CTC1: variants seen among roughly 807,000 people sequenced by gnomAD.
CTC1 encodes the protein CST complex subunit CTC1.
CTC1 carries 91 observed loss-of-function variants against 136.3 expected under a neutral mutation model. The ratio of observed to expected loss-of-function variants is 0.67; its 90% CI spans 0.56 to 0.79. The LOEUF (loss-of-function observed/expected upper bound fraction) is 0.79. CTC1 is among the 30% of genes least tolerant of loss of function. The probability of loss-of-function intolerance (pLI) is 0.00; values close to 1 mark genes in which losing one functional copy is unlikely to be tolerated. For missense variants in CTC1, 1,432 were observed against 1,498.1 expected, an observed-to-expected ratio of 0.96 and a Z score of 0.73; for synonymous variants, 606 against 613.8, an observed-to-expected ratio of 0.99 and a Z score of 0.19.
intron 2 of CTC1, among the ~76,000 whole-genome samples, chr17:8,240,563 G>A (rs573243116): frequency 2.6e-5 from 4 of 152,266 alleles, no homozygotes; most frequent in African/African-American, 7.2e-5. Flanking sequence ...AAACAAAACC[G>A]TGTACAAGTA....
Position 8,234,766 on chromosome 17 carries a change from G to A in CTC1, c.1600C>T (p.His534Tyr). Residue 534 changes from histidine to tyrosine, a missense_variant, in exon 9 of 23, where the codon CAC (histidine) becomes TAC (tyrosine). Transcript: ENST00000651323. ...AHNEILEEPHHCPLQKYTRLQ... is the reference protein window; with the variant it reads ...AHNEILEEPHYCPLQKYTRLQ... ...CCTCATACTTTCTGGAGGGGACAGT[G>A]ATGTGGCTCTTCAAGGATCTCATTG... 6.3e-7 allele frequency: 1 copy of A among 1,598,828 alleles called. No homozygotes were observed. The highest frequency in any genetic ancestry group is 1.1e-5 in the South Asian group (1 of 88,820).
In CTC1 at chr17:8,226,214, C is replaced by T. The variant is rs566020130; in HGVS notation, c.*1966G>A. 6.6e-6 allele frequency: 1 copy of T among 152,198 alleles called. No homozygotes were observed. Among genetic ancestry groups the T allele is most frequent in the Non-Finnish European group, 1.5e-5 (1 of 68,032 alleles). 9.4% of individuals were successfully genotyped at this position (152,198 alleles called of 1,614,324 possible). On this transcript the variant is annotated 3_prime_UTR_variant, in exon 23 of 23. Coordinates refer to ENST00000651323, the MANE Select transcript of CTC1 (RefSeq NM_025099.6). ...AAGGATGTGGATTTAGCCGCAAAAT[C>T]ACGCTGTTTCAATTGAATAAAGGCA...
chr17:8,234,114 T>G (rs987137067), intron 10 of CTC1, among the ~76,000 whole-genome samples: 2 of 152,168 alleles, frequency 1.3e-5, no homozygotes, highest in African/African-American at 4.8e-5. Context: ...CCTGAGTAGC[T>G]GGGACCATAG....
intron 2 of CTC1, among the ~76,000 whole-genome samples, chr17:8,241,310 T>G (rs958186974): frequency 6.9e-6 from 1 of 145,520 alleles, no homozygotes; most frequent in African/African-American, 2.6e-5. Context: ...AAAAAAGAAG[T>G]ATAATGTTAA....
chr17:8,238,882 G>A (rs963142866), intron 2 of CTC1, among the ~76,000 whole-genome samples: 2 of 152,218 alleles, frequency 1.3e-5, no homozygotes, highest in Non-Finnish European at 2.9e-5. Flanking sequence ...CCTGAGGTCA[G>A]GAGTTTGAGA....
In CTC1 at chr17:8,235,268, C is replaced by G; in HGVS notation, c.1224G>C (p.Leu408=). Residue 408 remains leucine, a synonymous_variant, in exon 8 of 23, where the codon CTG becomes CTC. Transcript: ENST00000651323. ...TTGTCCCCCCTCCCACTGACTGGAG[C>G]AGGTGAACATCCTGGAGCTGGGGGA... The part of the protein sequence containing the change: ...GVCLQLQDVH[L]LQSVGGGTRR... 1 of 1,613,694 alleles carries G rather than the reference C, an allele frequency of 6.2e-7. No individual in the cohort carries two copies. The highest frequency in any genetic ancestry group is 8.5e-7 in the Non-Finnish European group (1 of 1,179,710).
Position 8,234,444 on chromosome 17 carries a change from GTCCC to G in CTC1, c.1818+7_1818+10del. The G allele has an allele frequency of 6.4e-7, 1 of 1,551,438 alleles. No individual in the cohort carries two copies. The highest frequency in any genetic ancestry group is 1.2e-5 in the South Asian group (1 of 84,054). ...GGGAAATCACCTGAGCCCTGCTAGG[GTCCC>G]CCTTACCTGGGCTGGGCAGAAGGCA... On this transcript the variant is annotated splice_region_variant and intron_variant, in intron 10 of 22. Coordinates refer to ENST00000651323, the MANE Select transcript of CTC1 (RefSeq NM_025099.6).
At chr17:8,232,560 C>A in intron 11 of CTC1, 85 bp from the exon 12 acceptor site, 1 of 1,109,742 alleles carries the variant, frequency 9.0e-7, no homozygotes, top group Non-Finnish European at 1.3e-6. Context: ...GGCCTCACTA[C>A]CCATCCCAGG....
At position 8,228,989 on chromosome 17, in the gene CTC1, G is replaced by C. The variant is rs796222610; in HGVS notation, c.3222-97C>G. The C allele has an allele frequency of 2.7e-6, 4 of 1,495,862 alleles. No homozygotes were observed. In the African/African-American group the frequency reaches 5.6e-5, roughly 21 times the overall value. 92.7% of individuals were successfully genotyped at this position (1,495,862 alleles called of 1,614,324 possible). On this transcript the variant is annotated intron_variant, in intron 20 of 22. Coordinates refer to ENST00000651323, the MANE Select transcript of CTC1 (RefSeq NM_025099.6). ...TCCCTCCCCGCTGTCTGCAGTCTTT[G>C]GCTCACAGATTTAGGAGCTTACCCT... is the stretch of plus-strand genomic sequence containing the variant.
rs183556317 is a variant in CTC1 at position 8,234,478 on chromosome 17, G to A, written c.1795C>T (p.Pro599Ser). 2.4e-4 allele frequency: 373 copies of A among 1,552,410 alleles called. 4 individuals are homozygous for A. The East Asian group carries it at 4.2e-3, about 18-fold the overall frequency. ...RLAWSWLCLLPSAFCPAQVLL... is the reference protein window; with the variant it reads ...RLAWSWLCLLSSAFCPAQVLL... ...ACCTGGGCTGGGCAGAAGGCAGAGG[G>A]CAGCAGACAGAGCCAGGACCAAGCC... Residue 599 changes from proline (P) to serine (S), a missense_variant, in exon 10 of 23, where the codon CCC (proline) becomes TCC (serine). Coordinates refer to ENST00000651323, the MANE Select transcript of CTC1 (RefSeq NM_025099.6).
chr17:8,232,247 A>G lies in CTC1; in HGVS notation c.2061-20T>C. 6.5e-7 allele frequency: 1 copy of G among 1,540,310 alleles called. No individual in the cohort carries two copies. The highest frequency in any genetic ancestry group is 8.7e-7 in the Non-Finnish European group (1 of 1,146,502). Reference sequence around the variant, plus strand: ...TAGACTCTGTTGGGAGAGACAAGGAATACATTTCTTAGTGATGCAGGCATT... The same window carrying G: ...TAGACTCTGTTGGGAGAGACAAGGAGTACATTTCTTAGTGATGCAGGCATT... On this transcript the variant is annotated intron_variant, in intron 12 of 22. Coordinates refer to ENST00000651323, the MANE Select transcript of CTC1 (RefSeq NM_025099.6).
chr17:8,237,607 G>A, intron 4 of CTC1, 88 bp from the exon 5 acceptor site: 1 of 963,918 alleles, frequency 1.0e-6, no homozygotes, highest in African/African-American at 1.9e-5. Context: ...AGAGGTTGCA[G>A]TAAGCTGAGA....
Position 8,232,101 on chromosome 17 carries a change from C to G in CTC1, c.2187G>C (p.Gln729His), listed in dbSNP as rs769629643. 31 of 1,547,996 alleles carry G rather than the reference C, an allele frequency of 2.0e-5. 1 individual carries two copies. The change falls in exon 13 of 23, where the codon CAG becomes CAC. Residue 729 changes from glutamine to histidine, a missense_variant. Gln to His is a conservative substitution (Grantham distance 24). Transcript: ENST00000651323. ...TGTGGCAGAGCAAGAAGAGCCGGCT[C>G]TGTCCTAGGTGGGGTCCCTCTGGGC... ...PTGPEGPHLG[Q>H]SRLFLLCHKE...
Position 8,232,055 on chromosome 17 carries a change from T to A in CTC1, c.2233A>T (p.Asn745Tyr). The change falls in exon 13 of 23, where the codon AAT becomes TAT. Residue 745 changes from asparagine to tyrosine, a missense_variant. Physicochemically the swap from Asn to Tyr is moderately radical, Grantham distance 143. Coordinates refer to ENST00000651323, the MANE Select transcript of CTC1 (RefSeq NM_025099.6). ...LCHKEALMKRNFCVPPGASPE... is the reference protein window; with the variant it reads ...LCHKEALMKRYFCVPPGASPE... ...CTTGCTCCTGGGGGGACACAAAAAT[T>A]ACGCTTCATGAGGGCCTCCTTGTGG... is the stretch of plus-strand genomic sequence containing the variant. 3.2e-6 allele frequency: 5 copies of A among 1,570,176 alleles called. No homozygotes were observed. The highest frequency in any genetic ancestry group is 4.3e-6 in the Non-Finnish European group (5 of 1,163,052).
chr17:8,230,561 AC>A lies in CTC1; in HGVS notation c.2758+1del, dbSNP rs754940526. 1 of 1,614,022 alleles carries A rather than the reference AC, an allele frequency of 6.2e-7. No homozygotes were observed. Among genetic ancestry groups the A allele is most frequent in the Non-Finnish European group, 8.5e-7 (1 of 1,179,916 alleles). On this transcript the variant is annotated splice_donor_variant, in intron 16 of 22. Transcript: ENST00000651323. LOFTEE classifies it high-confidence loss of function. ...CCTTCCCCACAAAGGAAGGGTCATT[AC>A]CCAGTTTCATCCAGAGAGACGCCAC...
At chr17:8,231,236 G>T in intron 15 of CTC1, 40 bp downstream of exon 15, 1 of 1,463,758 alleles carries the variant, frequency 6.8e-7, no homozygotes, top group South Asian at 1.4e-5. Context: ...GGAGAAGAGA[G>T]AGTGGCCAAA....
rs767523515 is a variant in CTC1 at position 8,235,812 on chromosome 17, C to G, written c.1206+19G>C. On this transcript the variant is annotated intron_variant, in intron 7 of 22. Transcript: ENST00000651323. Reference sequence around the variant, plus strand: ...AGCTGCAGAGGTCTCTTTTTGTTATCAGCCCTGATCTCACATACCTGCAGA... The same window carrying G: ...AGCTGCAGAGGTCTCTTTTTGTTATGAGCCCTGATCTCACATACCTGCAGA... 1.9e-6 allele frequency: 3 copies of G among 1,574,746 alleles called. No homozygotes were observed. The South Asian group carries it at 3.4e-5, about 18-fold the overall frequency.
At position 8,234,673 on chromosome 17, in the gene CTC1, G is replaced by T. The variant is rs1233089090; in HGVS notation, c.1618-18C>A. On this transcript the variant is annotated intron_variant, in intron 9 of 22. Transcript: ENST00000651323. ...CGAGTGTACTGTCAAGGAGGGAAGA[G>T]AAATCGGGTGTGTGTCCCATGGGCC... 1.3e-6 allele frequency: 2 copies of T among 1,596,316 alleles called. No homozygotes were observed. Among genetic ancestry groups the T allele is most frequent in the Middle Eastern group, 1.7e-4 (1 of 5,958 alleles).
intron 4 of CTC1, 87 bp downstream of exon 4, chr17:8,237,944 A>G: frequency 9.7e-7 from 1 of 1,029,250 alleles, no homozygotes; most frequent in Non-Finnish European, 1.5e-6. Flanking sequence ...TATTACTATC[A>G]ATGCCCTTTT....
Sources: allele counts gnomAD v4.1 joint callset (sites outside exome capture counted in the v4.1 genomes callset), GRCh38; gene constraint gnomAD v4.1.1; transcripts MANE v1.5; gene names NCBI Gene and HGNC (gene_info 2026-07-23, HGNC 2026-07-21).